The following ROS1 variants were observed in gnomAD, a reference collection of about 807,000 sequenced individuals.
The protein encoded by ROS1 is proto-oncogene tyrosine-protein kinase ROS.
A neutral mutation model predicts 273.5 loss-of-function variants in ROS1; 263 were observed. That is an observed-to-expected ratio of 0.96 (90% CI 0.87 to 1.06). The LOEUF (loss-of-function observed/expected upper bound fraction) is 1.06. Among genes scored for constraint, ROS1 ranks in the 50% least tolerant of loss-of-function variants. The probability of loss-of-function intolerance (pLI) is 0.00; values close to 1 mark genes in which losing one functional copy is unlikely to be tolerated. For synonymous variants in ROS1, 1,008 were observed against 954.1 expected (o/e 1.06, Z -1.04); for missense variants, 2,833 against 2,751.1 (o/e 1.03, Z -0.67).
chr6:117,317,277 A>T lies in ROS1; in HGVS notation c.5988-5T>A, dbSNP rs763188233. ...ATGTTGGGATGATTAAATTTGCTGA[A>T]AGGTGGAAAGACACAGGCTGGATGA... On this transcript the variant is annotated splice_region_variant and splice_polypyrimidine_tract_variant and intron_variant, in intron 38 of 43. Transcript: ENST00000368507. 4 of 1,610,640 alleles carry T rather than the reference A, an allele frequency of 2.5e-6. No homozygotes were observed. The Admixed American group carries it at 6.7e-5, about 27-fold the overall frequency.
At chr6:117,378,957 C>A (rs1771888603) in intron 18 of ROS1, 102 bp downstream of exon 18, 2 of 720,482 alleles carry the variant, frequency 2.8e-6, no homozygotes, top group South Asian at 1.8e-5. Context: ...CAGTGGATAA[C>A]CAGAAAATGT....
At chr6:117,371,909 C>T (rs1006364141) in intron 18 of ROS1, among the ~76,000 whole-genome samples, 4 of 152,190 alleles carry the variant, frequency 2.6e-5, no homozygotes, top group Admixed American at 1.3e-4. Flanking sequence ...CAGCCACACA[C>T]AGCAAGCTCC....
intron 8 of ROS1, among the ~76,000 whole-genome samples, chr6:117,396,527 C>T (rs1449424071): frequency 6.6e-6 from 1 of 152,090 alleles, no homozygotes; most frequent in Non-Finnish European, 1.5e-5. Flanking sequence ...TTTAAAGAGG[C>T]TCTAGTAAAT....
rs114332772 is a variant in ROS1, at chr6:117,356,549, G to A, written c.4126+80C>T. On this transcript the variant is annotated intron_variant, in intron 26 of 43. Coordinates refer to ENST00000368507, the MANE Select transcript of ROS1 (RefSeq NM_001378902.1). Reference sequence around the variant, plus strand: ...ATCATGTGTATATTTGAGTATACGCGGAATGCAAGCCCTTTGTAAATGCAG... The same window carrying A: ...ATCATGTGTATATTTGAGTATACGCAGAATGCAAGCCCTTTGTAAATGCAG... 1,919 of 1,253,188 alleles carry A rather than the reference G, an allele frequency of 1.5e-3. 13 individuals are homozygous for A. The highest frequency in any genetic ancestry group is 0.014 in the African/African-American group (934 of 66,916). 77.6% of individuals were successfully genotyped at this position (1,253,188 alleles called of 1,614,324 possible).
At chr6:117,393,583 G>A (rs970822112) in intron 11 of ROS1, among the ~76,000 whole-genome samples, 11 of 152,072 alleles carry the variant, frequency 7.2e-5, no homozygotes, top group African/African-American at 2.7e-4. Context: ...TAACATTTAA[G>A]CGATATCTAG....
At chr6:117,409,489 A>C (rs1013293413) in intron 5 of ROS1, 93 bp downstream of exon 5, 1 of 860,648 alleles carries the variant, frequency 1.2e-6, no homozygotes, top group Non-Finnish European at 2.0e-6. Flanking sequence ...GCAGAAATCA[A>C]GATGTTTTGA....
intron 2 of ROS1, among the ~76,000 whole-genome samples, chr6:117,417,963 TGGTTTTAA>T (rs1582902608): frequency 2.0e-5 from 3 of 152,232 alleles, no homozygotes; most frequent in African/African-American, 7.2e-5. Flanking sequence ...TCTGTCTCTC[TGGTTTTAA>T]GTATGCATCT....
intron 32 of ROS1, among the ~76,000 whole-genome samples, chr6:117,330,791 T>C (rs933075390): frequency 4.6e-5 from 7 of 151,838 alleles, no homozygotes; most frequent in African/African-American, 1.7e-4. Context: ...AACAGCATCA[T>C]CATCAACAAC....
In ROS1 at chr6:117,396,051, A is replaced by G. The variant is rs1773459077; in HGVS notation, c.883+137T>C. On this transcript the variant is annotated intron_variant, in intron 9 of 43. Coordinates refer to ENST00000368507, the MANE Select transcript of ROS1 (RefSeq NM_001378902.1). ...TTCATTTAAAATGGAAAACTTAACA[A>G]GTACCCAAAAGACAATAATCATTTG... 1.0e-5 allele frequency: 5 copies of G among 483,734 alleles called. No individual in the cohort carries two copies. In the South Asian group the frequency reaches 3.3e-4, roughly 32 times the overall value. 30.0% of individuals were successfully genotyped at this position (483,734 alleles called of 1,614,324 possible). A position where few individuals can be genotyped will look rare whatever the true frequency, so the allele number is the denominator to read the frequency against.
At chr6:117,390,094 C>T (rs1772939668) in intron 12 of ROS1, among the ~76,000 whole-genome samples, 1 of 152,078 alleles carries the variant, frequency 6.6e-6, no homozygotes, top group African/African-American at 2.4e-5. Flanking sequence ...TTATAAGTGA[C>T]TTTTTAAGGA....
Position 117,335,946 on chromosome 6 carries a change from T to C in ROS1, c.5230+1226A>G, listed in dbSNP as rs75081543. On this transcript the variant is annotated intron_variant, in intron 32 of 43. Coordinates refer to ENST00000368507, the MANE Select transcript of ROS1 (RefSeq NM_001378902.1). ...ACCCTGCACGTTCTGCACATGTATC[T>C]TATTTTTTAAGAAGAAATTTTAAAA... 4.4e-3 allele frequency among the ~76,000 whole-genome samples: 672 copies of C among 152,180 alleles called. 5 individuals are homozygous for C. Among genetic ancestry groups the C allele is most frequent in the African/African-American group, 0.015 (626 of 41,536 alleles).
At chr6:117,331,494 C>A (rs1406517511) in intron 32 of ROS1, among the ~76,000 whole-genome samples, 1 of 152,058 alleles carries the variant, frequency 6.6e-6, no homozygotes, top group Non-Finnish European at 1.5e-5. Flanking sequence ...ACAGAGAACA[C>A]CATTAAGATA....
intron 7 of ROS1, among the ~76,000 whole-genome samples, chr6:117,398,693 A>AAAAAAAAAAAAAAAAAACAAAAAAAAC (rs1554252569): frequency 7.1e-6 from 1 of 141,094 alleles, no homozygotes; most frequent in African/African-American, 2.5e-5. Context: ...AAAAAAAAAA[A>AAAAAAAAAAAAAAAAAACAAAAAAAAC]AAAACTCGCG....
chr6:117,383,428 A>G lies in ROS1; in HGVS notation c.2370T>C (p.Asp790=). ...VKLLVNDMVV[D]SVGGYLYWTT... ...TCCAGTAGAGATATCCACCAACTGA[A>G]TCCACCACCATGTCATTCACCAATA... is the stretch of plus-strand genomic sequence containing the variant. Residue 790 remains aspartate (D), a synonymous_variant, in exon 17 of 44, where the codon GAT becomes GAC. Coordinates refer to ENST00000368507, the MANE Select transcript of ROS1 (RefSeq NM_001378902.1). 1 of 1,613,996 alleles carries G rather than the reference A, an allele frequency of 6.2e-7. No individual in the cohort carries two copies. The highest frequency in any genetic ancestry group is 8.5e-7 in the Non-Finnish European group (1 of 1,179,898).
chr6:117,317,441 A>C (rs1180277900), intron 38 of ROS1, among the ~76,000 whole-genome samples, 169 bp from the exon 39 acceptor site: 1 of 152,130 alleles, frequency 6.6e-6, no homozygotes, highest in African/African-American at 2.4e-5. Flanking sequence ...TACCTTAAAG[A>C]GGTAATATGG....
At chr6:117,317,600 A>C (rs1230327816) in intron 38 of ROS1, among the ~76,000 whole-genome samples, 3 of 152,282 alleles carry the variant, frequency 2.0e-5, no homozygotes, top group East Asian at 3.9e-4. Context: ...GGGTCATTAC[A>C]GGTATGAAAT....
chr6:117,336,452 T>C (rs576437666), intron 32 of ROS1, among the ~76,000 whole-genome samples: 1 of 152,312 alleles, frequency 6.6e-6, no homozygotes, highest in East Asian at 1.9e-4. Context: ...ATTAGTTTGC[T>C]GAGGTTAATA....
chr6:117,373,329 A>G (rs1260359699), intron 18 of ROS1, among the ~76,000 whole-genome samples: 2 of 152,222 alleles, frequency 1.3e-5, no homozygotes, highest in Non-Finnish European at 1.5e-5. Flanking sequence ...ATCGGGCGCC[A>G]CGGAGCAGGG....
chr6:117,400,712 TC>T, intron 7 of ROS1, among the ~76,000 whole-genome samples: 1 of 152,264 alleles, frequency 6.6e-6, no homozygotes, highest in East Asian at 1.9e-4. Flanking sequence ...TCCTTTGCTG[TC>T]CCTCTTCTTC....
Sources: allele counts gnomAD v4.1 joint callset (sites outside exome capture counted in the v4.1 genomes callset), GRCh38; gene constraint gnomAD v4.1.1; transcripts MANE v1.5; gene names NCBI Gene and HGNC (gene_info 2026-07-23, HGNC 2026-07-21).